SMOC1: variants seen among roughly 807,000 people sequenced by gnomAD.
SMOC1 encodes SPARC related modular calcium binding 1.
SMOC1 carries 22 observed loss-of-function variants against 56.3 expected under a neutral mutation model. The observed-to-expected ratio is 0.39, with a 90% CI of 0.28 to 0.56. The LOEUF is 0.56. Ranked by LOEUF, SMOC1 falls within the 20% of genes least tolerant of loss-of-function variation. SMOC1 has a pLI of 0.61. For missense variants in SMOC1, 509 were observed against 565.4 expected, an observed-to-expected ratio of 0.90 and a Z score of 1.01; for synonymous variants, 193 against 215.0, an observed-to-expected ratio of 0.90 and a Z score of 0.89.
At chr14:69,986,953 G>T (rs1345824185) in intron 5 of SMOC1, among the ~76,000 whole-genome samples, 1 of 152,212 alleles carries the variant, frequency 6.6e-6, no homozygotes, top group Admixed American at 6.5e-5. Context: ...GAGCCTCGCT[G>T]GTCATGGCGC....
Position 69,974,320 on chromosome 14 carries a change from C to G in SMOC1, c.379-1395C>G, listed in dbSNP as rs979497120. Among the ~76,000 whole-genome samples the G allele has an allele frequency of 3.3e-5, 5 of 151,934 alleles. No individual in the cohort carries two copies. The East Asian group carries it at 9.7e-4, about 29-fold the overall frequency. ...CTGGGACTGCTTTGAGGAGGTGTAT[C>G]ACAAAGGAGGAGGGGAATACGAGGG... On this transcript the variant is annotated intron_variant, in intron 3 of 11. Coordinates refer to ENST00000361956, the MANE Select transcript of SMOC1 (RefSeq NM_001034852.3).
chr14:70,013,498 T>C lies in SMOC1; in HGVS notation c.1046+7T>C, dbSNP rs1885482. 10 of 1,613,114 alleles carry C rather than the reference T, an allele frequency of 6.2e-6. No homozygotes were observed. In the African/African-American group the frequency reaches 1.1e-4, roughly 17 times the overall value. On this transcript the variant is annotated splice_region_variant and intron_variant, in intron 10 of 11. Transcript: ENST00000361956. ...CGCCCACTGGAGGTGGGAGGTGAGATTGTGAGCAGGAATCAGGCCCAGGAG... is the reference window on the plus strand; with the variant it reads ...CGCCCACTGGAGGTGGGAGGTGAGACTGTGAGCAGGAATCAGGCCCAGGAG...
At chr14:69,960,833 G>T (rs999882043) in intron 3 of SMOC1, among the ~76,000 whole-genome samples, 2 of 152,024 alleles carry the variant, frequency 1.3e-5, no homozygotes. Context: ...AGTTGAACTC[G>T]TTCAGAGGTT....
chr14:69,922,102 T>A (rs1027239304), intron 1 of SMOC1, among the ~76,000 whole-genome samples: 1 of 152,236 alleles, frequency 6.6e-6, no homozygotes, highest in East Asian at 1.9e-4. Flanking sequence ...TCAGCGGTCA[T>A]GATACAGAGC....
chr14:70,012,488 A>G (rs1261986983), intron 9 of SMOC1, among the ~76,000 whole-genome samples: 1 of 152,266 alleles, frequency 6.6e-6, no homozygotes, highest in Non-Finnish European at 1.5e-5. Flanking sequence ...AAAGCGGAAC[A>G]TGCTGTGAGA....
chr14:69,919,914 C>CT (rs1222778452), intron 1 of SMOC1, among the ~76,000 whole-genome samples: 1 of 148,386 alleles, frequency 6.7e-6, no homozygotes, highest in South Asian at 2.2e-4. Flanking sequence ...ACAAATACCC[C>CT]CCCCCCCCTT....
At chr14:69,981,693 G>A (rs1884183296) in intron 5 of SMOC1, among the ~76,000 whole-genome samples, 1 of 152,222 alleles carries the variant, frequency 6.6e-6, no homozygotes, top group East Asian at 1.9e-4. Flanking sequence ...TAGAGGTAAA[G>A]TTTTGGTTTT....
intron 3 of SMOC1, among the ~76,000 whole-genome samples, chr14:69,954,086 C>G (rs1883104058): frequency 6.6e-6 from 1 of 152,168 alleles, no homozygotes; most frequent in Admixed American, 6.5e-5. Flanking sequence ...AGTCCTACCT[C>G]TCATCTTGCA....
chr14:69,937,139 T>G (rs543856793), intron 1 of SMOC1, among the ~76,000 whole-genome samples: 1 of 152,262 alleles, frequency 6.6e-6, no homozygotes, highest in East Asian at 1.9e-4. Context: ...GTGTGCAGGC[T>G]TTGCTTGGTG....
In SMOC1 at chr14:70,023,194, A is replaced by G. The variant is rs1594860908; in HGVS notation, c.1047-9A>G. The G allele has an allele frequency of 1.9e-6, 3 of 1,613,998 alleles. No homozygotes were observed. The highest frequency in any genetic ancestry group is 1.1e-5 in the South Asian group (1 of 91,062). ...TTCTCTGCGGTGGGGGTGTTTGTCCATGGCCCAGGTTCTCAGAGCCAGACC... is the reference window on the plus strand; with the variant it reads ...TTCTCTGCGGTGGGGGTGTTTGTCCGTGGCCCAGGTTCTCAGAGCCAGACC... On this transcript the variant is annotated splice_polypyrimidine_tract_variant and intron_variant, in intron 10 of 11. Coordinates refer to ENST00000361956, the MANE Select transcript of SMOC1 (RefSeq NM_001034852.3).
At chr14:70,011,640 G>C (rs576828202) in intron 9 of SMOC1, 73 bp downstream of exon 9, 2 of 1,388,114 alleles carry the variant, frequency 1.4e-6, no homozygotes, top group Admixed American at 3.5e-5. Context: ...TGCAGAAGAA[G>C]CTGTCTCCTC....
chr14:69,920,671 G>GGGA (rs1450488093), intron 1 of SMOC1, among the ~76,000 whole-genome samples: 3 of 152,154 alleles, frequency 2.0e-5, no homozygotes, highest in African/African-American at 4.8e-5. Context: ...TCTGGTGGGG[G>GGGA]GGAGGCAATA....
At chr14:69,903,941 G>A (rs61980621) in intron 1 of SMOC1, among the ~76,000 whole-genome samples, 8,783 of 151,658 alleles carry the variant, frequency 0.058, 314 homozygotes, top group Non-Finnish European at 0.079. Context: ...TAACCTACTG[G>A]AGGAGGAGAG....
At chr14:69,947,914 C>G (rs1882849692) in intron 1 of SMOC1, among the ~76,000 whole-genome samples, 1 of 152,146 alleles carries the variant, frequency 6.6e-6, no homozygotes, top group Admixed American at 6.6e-5. Flanking sequence ...TCCAGAGTCT[C>G]TAGGATTAAG....
At chr14:69,916,882 G>C (rs1458340144) in intron 1 of SMOC1, among the ~76,000 whole-genome samples, 1 of 152,156 alleles carries the variant, frequency 6.6e-6, no homozygotes, top group African/African-American at 2.4e-5. Flanking sequence ...CCTCCTGCTG[G>C]AATGAAAACT....
At chr14:69,906,299 A>C (rs977171776) in intron 1 of SMOC1, among the ~76,000 whole-genome samples, 28 of 152,180 alleles carry the variant, frequency 1.8e-4, no homozygotes, top group African/African-American at 6.5e-4. Flanking sequence ...TGGTTTTCCT[A>C]GGACATTCAC....
intron 1 of SMOC1, among the ~76,000 whole-genome samples, chr14:69,921,578 G>A (rs1884844267): frequency 6.6e-6 from 1 of 152,132 alleles, no homozygotes; most frequent in African/African-American, 2.4e-5. Flanking sequence ...AGACTAGTCT[G>A]CAAGAGGCGT....
rs1176727007 is a variant in SMOC1, at chr14:69,916,641, C to A, written c.100-35497C>A. Among the ~76,000 whole-genome samples the A allele has an allele frequency of 3.9e-5, 6 of 152,226 alleles. No homozygotes were observed. In the East Asian group the frequency reaches 9.6e-4, roughly 24 times the overall value. On this transcript the variant is annotated intron_variant, in intron 1 of 11. Transcript: ENST00000361956. ...TTAGGGCCTTTGCCCTTGCTGTTCC[C>A]TCTGTGTGGAATGTTCTCTCCCTAG...
At chr14:70,021,240 G>C (rs1885710584) in intron 10 of SMOC1, among the ~76,000 whole-genome samples, 3 of 152,080 alleles carry the variant, frequency 2.0e-5, no homozygotes, top group African/African-American at 7.2e-5. Flanking sequence ...CCTCCCTGCT[G>C]TTTGGGGAAA....
Sources: gnomAD v4.1 joint callset for allele counts (sites outside exome capture counted in the v4.1 genomes callset) on GRCh38, gnomAD v4.1.1 for gene constraint, MANE v1.5 for transcripts, NCBI Gene and HGNC (gene_info 2026-07-23, HGNC 2026-07-21) for gene names.